Variants in RALYL observed in about 807,000 individuals in gnomAD.
The protein encoded by RALYL is RALY RNA binding protein like.
In RALYL, 29 loss-of-function variants were observed where a neutral mutation model predicts 35.1. The ratio of observed to expected loss-of-function variants is 0.83; its 90% CI spans 0.61 to 1.13. The LOEUF is 1.13. Ranked by LOEUF, RALYL falls within the 50% of genes most tolerant of loss-of-function variation. RALYL has a pLI of 0.00. For synonymous variants in RALYL, 120 were observed against 127.6 expected, an observed-to-expected ratio of 0.94 and a Z score of 0.40; for missense variants, 359 against 360.4, an observed-to-expected ratio of 1.00 and a Z score of 0.03.
chr8:84,824,262 C>A (rs375298841), intron 4 of RALYL, among the ~76,000 whole-genome samples: 46 of 147,992 alleles, frequency 3.1e-4, no homozygotes, highest in African/African-American at 8.4e-4. Context: ...ACAATAGCTG[C>A]AAAAAAAAAA....
At chr8:84,729,895 G>A (rs1436983196) in intron 2 of RALYL, among the ~76,000 whole-genome samples, 3 of 152,014 alleles carry the variant, frequency 2.0e-5, no homozygotes, top group Non-Finnish European at 1.5e-5. Flanking sequence ...ATAATCAATC[G>A]CTTACCAACC....
intron 1 of RALYL, among the ~76,000 whole-genome samples, chr8:84,297,031 G>A (rs970726773): frequency 9.2e-5 from 14 of 151,508 alleles, no homozygotes; most frequent in East Asian, 7.8e-4. Flanking sequence ...TTAGAATTAA[G>A]ACAGTACAGG....
chr8:84,895,348 A>C (rs1844568922), intron 8 of RALYL, among the ~76,000 whole-genome samples: 1 of 152,122 alleles, frequency 6.6e-6, no homozygotes, highest in African/African-American at 2.4e-5. Context: ...ACAAAAAAAA[A>C]AAAAAGACTT....
chr8:84,286,955 A>G (rs1837738711), intron 1 of RALYL, among the ~76,000 whole-genome samples: 1 of 152,142 alleles, frequency 6.6e-6, no homozygotes, highest in Admixed American at 6.5e-5. Flanking sequence ...AAAACAACTT[A>G]GGGATGTAAA....
At chr8:84,807,056 G>A (rs560494701) in intron 4 of RALYL, among the ~76,000 whole-genome samples, 60 of 152,162 alleles carry the variant, frequency 3.9e-4, no homozygotes, top group African/African-American at 1.4e-3. Flanking sequence ...CTTTTTCAGT[G>A]AGAAGATGTA....
At chr8:84,653,777 T>C (rs1220035614) in intron 2 of RALYL, among the ~76,000 whole-genome samples, 1 of 150,986 alleles carries the variant, frequency 6.6e-6, no homozygotes, top group Non-Finnish European at 1.5e-5. Flanking sequence ...CCTTCTAACA[T>C]ACCTCCATAA....
At chr8:84,835,502 T>TAAAA (rs35745516) in intron 4 of RALYL, among the ~76,000 whole-genome samples, 12 of 96,304 alleles carry the variant, frequency 1.2e-4, no homozygotes, top group Non-Finnish European at 1.5e-4. Context: ...CTGTCTCTAC[T>TAAAA]AAAAAAAAAA....
chr8:84,326,524 C>T (rs1255683874), intron 1 of RALYL, among the ~76,000 whole-genome samples: 1 of 152,072 alleles, frequency 6.6e-6, no homozygotes, highest in Non-Finnish European at 1.5e-5. Flanking sequence ...TTAGTTGATG[C>T]CTCAAACATG....
intron 1 of RALYL, among the ~76,000 whole-genome samples, chr8:84,432,299 A>C (rs2047228269): frequency 6.6e-6 from 1 of 152,128 alleles, no homozygotes; most frequent in Non-Finnish European, 1.5e-5. Flanking sequence ...GTACTGCAGT[A>C]TTTCACTTAT....
intron 8 of RALYL, among the ~76,000 whole-genome samples, chr8:84,897,882 A>T (rs571137779): frequency 6.6e-6 from 1 of 152,350 alleles, no homozygotes; most frequent in South Asian, 2.1e-4. Context: ...CAACCAGAAC[A>T]AATAAGTAAA....
At chr8:84,552,947 G>A (rs1237023210) in intron 2 of RALYL, among the ~76,000 whole-genome samples, 3 of 151,920 alleles carry the variant, frequency 2.0e-5, no homozygotes, top group African/African-American at 4.8e-5. Context: ...CTGAGGTAGG[G>A]GTTGAATGGG....
chr8:84,224,000 T>G (rs1208836107), intron 1 of RALYL, among the ~76,000 whole-genome samples: 1 of 152,202 alleles, frequency 6.6e-6, no homozygotes, highest in African/African-American at 2.4e-5. Context: ...CTTGAGTATG[T>G]GTAGGTATCT....
At chr8:84,307,019 G>A (rs2132456723) in intron 1 of RALYL, among the ~76,000 whole-genome samples, 1 of 144,062 alleles carries the variant, frequency 6.9e-6, no homozygotes, top group East Asian at 1.9e-4. Context: ...ACCACACAGA[G>A]TATGTGAACA....
intron 2 of RALYL, among the ~76,000 whole-genome samples, chr8:84,670,984 G>A (rs145257667): frequency 1.9e-3 from 291 of 152,274 alleles, no homozygotes; most frequent in Non-Finnish European, 3.2e-3. Context: ...AGTCCCTTCT[G>A]TTTAGAGCCT....
At chr8:84,327,831 T>G (rs1240201710) in intron 1 of RALYL, among the ~76,000 whole-genome samples, 2 of 152,224 alleles carry the variant, frequency 1.3e-5, no homozygotes, top group Non-Finnish European at 2.9e-5. Context: ...TTTTCTGTTT[T>G]GCTCTTTTTT....
intron 1 of RALYL, among the ~76,000 whole-genome samples, chr8:84,238,616 A>G (rs1266832129): frequency 6.6e-6 from 1 of 152,090 alleles, no homozygotes; most frequent in Non-Finnish European, 1.5e-5. Flanking sequence ...GGTGAGTAAG[A>G]TCAGAGAGGG....
chr8:84,529,263 G>A, intron 1 of RALYL, 36 bp from the exon 2 acceptor site: 1 of 1,543,174 alleles, frequency 6.5e-7, no homozygotes, highest in Admixed American at 2.0e-5. Context: ...TTTACCTTTT[G>A]ATTATTTGTT....
chr8:84,470,127 A>G (rs2052508532), intron 1 of RALYL, among the ~76,000 whole-genome samples: 2 of 152,204 alleles, frequency 1.3e-5, no homozygotes, highest in African/African-American at 2.4e-5. Flanking sequence ...GGAGCTGTAG[A>G]CAGGAGCTGT....
At chr8:84,671,659 C>T (rs1833267339) in intron 2 of RALYL, among the ~76,000 whole-genome samples, 1 of 152,184 alleles carries the variant, frequency 6.6e-6, no homozygotes, top group Non-Finnish European at 1.5e-5. Context: ...CTGAGCTGTA[C>T]CTTGGCACAG....
Sources: allele counts gnomAD v4.1 joint callset (sites outside exome capture counted in the v4.1 genomes callset), GRCh38; gene constraint gnomAD v4.1.1; transcripts MANE v1.5; gene names NCBI Gene and HGNC (gene_info 2026-07-23, HGNC 2026-07-21).